The following ZNF536 variants were observed in gnomAD, a reference collection of about 807,000 sequenced individuals.
ZNF536 encodes the protein zinc finger protein 536.
In ZNF536, 13 loss-of-function variants were observed where a neutral mutation model predicts 84.5. The ratio of observed to expected loss-of-function variants is 0.15; its 90% CI spans 0.10 to 0.24. The LOEUF (loss-of-function observed/expected upper bound fraction) is 0.24, where lower values mean the gene tolerates loss of function less well. ZNF536 is among the 10% of genes least tolerant of loss of function. The pLI is 1.00. For missense variants in ZNF536, 1,536 were observed against 1,747.5 expected (o/e 0.88, Z 2.16); for synonymous variants, 811 against 742.5 (o/e 1.09, Z -1.50).
intron 2 of ZNF536, among the ~76,000 whole-genome samples, chr19:30,340,819 C>T (rs2047541503): frequency 6.6e-6 from 1 of 152,160 alleles, no homozygotes; most frequent in Non-Finnish European, 1.5e-5. Flanking sequence ...GAAATAATTG[C>T]CGGAATGATA....
intron 2 of ZNF536, among the ~76,000 whole-genome samples, chr19:30,351,128 G>T (rs888996069): frequency 3.9e-5 from 6 of 152,172 alleles, no homozygotes; most frequent in Non-Finnish European, 7.3e-5. Flanking sequence ...TGACATTTCT[G>T]CCAAGAAAAA....
chr19:30,490,879 G>T (rs2054481255), intron 2 of ZNF536, among the ~76,000 whole-genome samples: 1 of 152,220 alleles, frequency 6.6e-6, no homozygotes, highest in Non-Finnish European at 1.5e-5. Context: ...TTGTTTGCCA[G>T]GCGCCCCAGC....
chr19:30,340,245 C>G (rs560551426), intron 2 of ZNF536, among the ~76,000 whole-genome samples: 12 of 152,150 alleles, frequency 7.9e-5, no homozygotes, highest in Non-Finnish European at 1.8e-4. Flanking sequence ...GTAGCCTGCA[C>G]AAGAAGCCCA....
In ZNF536 at chr19:30,557,633, A is replaced by T. The variant is rs531777740; in HGVS notation, c.*469A>T. 6.5e-6 allele frequency: 1 copy of T among 153,296 alleles called. No individual in the cohort carries two copies. The highest frequency in any genetic ancestry group is 1.5e-5 in the Non-Finnish European group (1 of 68,826). 9.5% of individuals were successfully genotyped at this position (153,296 alleles called of 1,614,324 possible). A position where few individuals can be genotyped will look rare whatever the true frequency, so the allele number is the denominator to read the frequency against. ...ATTTTGTAACACTTTAGAAGAATACAGAAAAGTGCAGTAATTCTCTTTCTC... is the reference window on the plus strand; with the variant it reads ...ATTTTGTAACACTTTAGAAGAATACTGAAAAGTGCAGTAATTCTCTTTCTC... On this transcript the variant is annotated 3_prime_UTR_variant, in exon 5 of 5. Coordinates refer to ENST00000355537, the MANE Select transcript of ZNF536 (RefSeq NM_014717.3).
intron 1 of ZNF536, among the ~76,000 whole-genome samples, chr19:30,568,625 T>C (rs1568562675): frequency 6.6e-6 from 1 of 152,060 alleles, no homozygotes; most frequent in Non-Finnish European, 1.5e-5. Context: ...TCAATGGTTT[T>C]CCAAGGCAGA....
Position 30,418,174 on chromosome 19 carries a change from T to C in ZNF536, c.-2-25387T>C, listed in dbSNP as rs541255715. On this transcript the variant is annotated intron_variant, in intron 1 of 4. Transcript: ENST00000355537. ...TTTTTGATGTCTATCAAAATGATCA[T>C]GTAGATTTGTTCCCTGGCCTATTAT... 2.6e-5 allele frequency among the ~76,000 whole-genome samples: 4 copies of C among 152,230 alleles called. No homozygotes were observed. In the South Asian group the frequency reaches 6.2e-4, roughly 24 times the overall value.
At chr19:30,565,538 A>G (rs2046319903) in intron 1 of ZNF536, among the ~76,000 whole-genome samples, 1 of 152,210 alleles carries the variant, frequency 6.6e-6, no homozygotes, top group Non-Finnish European at 1.5e-5. Context: ...AGGCCAAGAG[A>G]TGCTAGATGG....
intron 1 of ZNF536, among the ~76,000 whole-genome samples, chr19:30,396,320 G>GT (rs1196009756): frequency 6.6e-6 from 1 of 152,138 alleles, no homozygotes; most frequent in Non-Finnish European, 1.5e-5. Flanking sequence ...GTGTTCTAGA[G>GT]TCTATAAAAT....
chr19:30,610,006 TCATCCATC>T (rs1036721408), intron 1 of ZNF536, among the ~76,000 whole-genome samples: 1 of 148,448 alleles, frequency 6.7e-6, no homozygotes, highest in Non-Finnish European at 1.5e-5. Flanking sequence ...ATCTATCCAT[TCATCCATC>T]CATCCATCCA....
chr19:30,684,083 A>G (rs890792034), intron 1 of ZNF536, among the ~76,000 whole-genome samples: 1 of 152,114 alleles, frequency 6.6e-6, no homozygotes, highest in African/African-American at 2.4e-5. Flanking sequence ...GTCAAACCAC[A>G]AGTAAAAGAA....
At chr19:30,440,323 T>G (rs961721128) in intron 1 of ZNF536, among the ~76,000 whole-genome samples, 9 of 152,006 alleles carry the variant, frequency 5.9e-5, no homozygotes, top group Non-Finnish European at 1.0e-4. Context: ...CAGGGACCCT[T>G]CCAACTCTGT....
At chr19:30,380,173 C>G (rs1186358030) in intron 1 of ZNF536, among the ~76,000 whole-genome samples, 1 of 152,278 alleles carries the variant, frequency 6.6e-6, no homozygotes, top group Middle Eastern at 3.4e-3. Context: ...CAGGGAGGGC[C>G]TTTCTGTGAA....
rs886811397 is a variant in ZNF536 at position 30,445,839 on chromosome 19, G to A, written c.2170+107G>A. Reference sequence around the variant, plus strand: ...GTCAGTTCCAAGGCCAGTGGGTCTTGATTGAGGACAGGGGTGGGTTGGACA... The same window carrying A: ...GTCAGTTCCAAGGCCAGTGGGTCTTAATTGAGGACAGGGGTGGGTTGGACA... On this transcript the variant is annotated intron_variant, in intron 2 of 4. Transcript: ENST00000355537. The surrounding 1 kb of genome is among the most constrained non-coding windows in gnomAD (Gnocchi z 4.5). 7.0e-7 allele frequency: 1 copy of A among 1,431,096 alleles called. No individual in the cohort carries two copies. Among genetic ancestry groups the A allele is most frequent in the Admixed American group, 2.7e-5 (1 of 37,180 alleles). The allele number at this position is 1,431,096 out of a possible 1,614,324, so 88.6% of individuals were successfully genotyped here. A position where few individuals can be genotyped will look rare whatever the true frequency, so the allele number is the denominator to read the frequency against.
At chr19:30,468,723 A>G (rs1273350650) in intron 2 of ZNF536, among the ~76,000 whole-genome samples, 1 of 152,072 alleles carries the variant, frequency 6.6e-6, no homozygotes, top group Non-Finnish European at 1.5e-5. Context: ...GAAGCAGCAA[A>G]TGTCGTGAGT....
chr19:30,339,792 A>G (rs2047505306), intron 2 of ZNF536, among the ~76,000 whole-genome samples: 1 of 152,188 alleles, frequency 6.6e-6, no homozygotes, highest in African/African-American at 2.4e-5. Flanking sequence ...CGTTCTGAGC[A>G]GGCAGGTGCT....
intron 2 of ZNF536, among the ~76,000 whole-genome samples, chr19:30,453,870 T>C (rs193036236): frequency 1.2e-4 from 19 of 152,330 alleles, no homozygotes; most frequent in Admixed American, 3.9e-4. Flanking sequence ...ACCCATCTCT[T>C]TGTTGCTGTG....
intron 1 of ZNF536, among the ~76,000 whole-genome samples, chr19:30,617,366 T>TTA (rs869281886): frequency 1.4e-4 from 16 of 115,986 alleles, no homozygotes; most frequent in Non-Finnish European, 2.3e-4. Context: ...TTTTTTTTTT[T>TTA]ATGAGATGGA....
chr19:30,311,444 T>C (rs932038449), intron 2 of ZNF536, among the ~76,000 whole-genome samples: 1 of 152,232 alleles, frequency 6.6e-6, no homozygotes, highest in African/African-American at 2.4e-5. Flanking sequence ...ATATTTTTTC[T>C]CAACTTTGTG....
chr19:30,466,755 G>GGGAA (rs1300813936), intron 2 of ZNF536, among the ~76,000 whole-genome samples: 17,659 of 60,666 alleles, frequency 0.29, 2,243 homozygotes, highest in Middle Eastern at 0.35. Flanking sequence ...GAAGAAAGGA[G>GGGAA]GGAAGGAAGG....
Sources: allele counts gnomAD v4.1 joint callset (sites outside exome capture counted in the v4.1 genomes callset), GRCh38; gene constraint gnomAD v4.1.1; non-coding constraint Gnocchi (gnomAD v3.1); transcripts MANE v1.5; gene names NCBI Gene and HGNC (gene_info 2026-07-23, HGNC 2026-07-21).